Variants in NRG3 observed in about 807,000 individuals in gnomAD.
NRG3 encodes neuregulin 3.
Under a neutral mutation model 66.9 loss-of-function variants are expected in NRG3, and 31 were observed. The observed-to-expected ratio is 0.46, with a 90% CI of 0.35 to 0.63. The LOEUF (loss-of-function observed/expected upper bound fraction) is 0.63, where lower values mean the gene tolerates loss of function less well. Among genes scored for constraint, NRG3 ranks in the 20% least tolerant of loss-of-function variants. The probability of loss-of-function intolerance (pLI) is 0.00; values close to 1 mark genes in which losing one functional copy is unlikely to be tolerated. For synonymous variants in NRG3, 393 were observed against 359.4 expected (o/e 1.09, Z -1.06); for missense variants, 910 against 878.9 (o/e 1.04, Z -0.45).
At chr10:82,659,442 A>G (rs1475722185) in intron 2 of NRG3, among the ~76,000 whole-genome samples, 1 of 152,108 alleles carries the variant, frequency 6.6e-6, no homozygotes, top group African/African-American at 2.4e-5. Flanking sequence ...ATTTGAGGTC[A>G]GGAGTTCGAG....
At chr10:82,215,602 T>A (rs2075623956) in intron 1 of NRG3, among the ~76,000 whole-genome samples, 1 of 152,192 alleles carries the variant, frequency 6.6e-6, no homozygotes, top group Admixed American at 6.5e-5. Context: ...AGCCAATGTG[T>A]TCTGAATAAA....
rs1399497683 is a variant in NRG3, at chr10:82,071,253, G to A, written c.823+195090G>A. ...TTCTTGTCATACTAGAGAACCAAAT[G>A]ATTCAATGACAATGAGTAAAGCATG... is the stretch of plus-strand genomic sequence containing the variant. On this transcript the variant is annotated intron_variant, in intron 1 of 8. Transcript: ENST00000372141. Among the ~76,000 whole-genome samples the A allele has an allele frequency of 2.0e-5, 3 of 152,182 alleles. No homozygotes were observed. The East Asian group carries it at 5.8e-4, about 29-fold the overall frequency.
chr10:82,728,611 G>A (rs1469026790), intron 2 of NRG3, among the ~76,000 whole-genome samples: 1 of 152,074 alleles, frequency 6.6e-6, no homozygotes, highest in African/African-American at 2.4e-5. Flanking sequence ...TTATCAGCAG[G>A]GTGAAAACAG....
intron 1 of NRG3, among the ~76,000 whole-genome samples, chr10:81,881,033 T>G (rs1269864685): frequency 6.6e-6 from 1 of 152,182 alleles, no homozygotes; most frequent in Non-Finnish European, 1.5e-5. Flanking sequence ...TTCCTCTTCA[T>G]GCAATTATAA....
intron 2 of NRG3, among the ~76,000 whole-genome samples, chr10:82,496,403 C>G (rs973104065): frequency 8.5e-5 from 13 of 152,132 alleles, no homozygotes; most frequent in African/African-American, 3.1e-4. Flanking sequence ...GTCAGCTTTT[C>G]TTTATGTACA....
chr10:82,643,214 G>A (rs116173237), intron 2 of NRG3, among the ~76,000 whole-genome samples: 121 of 152,196 alleles, frequency 8.0e-4, no homozygotes, highest in African/African-American at 2.8e-3. Context: ...GGGACCCAGT[G>A]AAAGATAATT....
Position 81,875,354 on chromosome 10 carries a change from C to A in NRG3, c.14C>A (p.Ala5Glu). The A allele has an allele frequency of 1.0e-6, 1 of 989,212 alleles. No individual in the cohort carries two copies. 61.3% of individuals were successfully genotyped at this position (989,212 alleles called of 1,614,324 possible). MSEG[A>E]AAASPPGAAS... ...CCGGCTCCTAGGATGAGTGAAGGGGCGGCCGCTGCCTCGCCACCTGGTGCC... is the reference window on the plus strand; with the variant it reads ...CCGGCTCCTAGGATGAGTGAAGGGGAGGCCGCTGCCTCGCCACCTGGTGCC... The change falls in exon 1 of 9, where the codon GCG (alanine) becomes GAG (glutamate). Residue 5 changes from alanine (A) to glutamate (E), a missense_variant. Coordinates refer to ENST00000372141, the MANE Select transcript of NRG3 (RefSeq NM_001010848.4). The surrounding 1 kb of genome is among the most constrained non-coding windows in gnomAD (Gnocchi z 5.3).
chr10:82,124,545 TC>T (rs2068301660), intron 1 of NRG3, among the ~76,000 whole-genome samples: 1 of 151,652 alleles, frequency 6.6e-6, no homozygotes, highest in African/African-American at 2.4e-5. Flanking sequence ...GAGGGGAACG[TC>T]ACACAACGGG....
At chr10:81,943,943 C>T (rs1396017545) in intron 1 of NRG3, among the ~76,000 whole-genome samples, 2 of 152,060 alleles carry the variant, frequency 1.3e-5, no homozygotes. Context: ...GTAGTCTCCA[C>T]AGTTTTGGGG....
intron 1 of NRG3, among the ~76,000 whole-genome samples, chr10:82,117,381 A>C (rs2067794493): frequency 6.6e-6 from 1 of 152,164 alleles, no homozygotes; most frequent in South Asian, 2.1e-4. Flanking sequence ...TGTGGGACAA[A>C]GAAGATACTC....
intron 1 of NRG3, among the ~76,000 whole-genome samples, chr10:82,149,707 GT>G (rs11345621): frequency 0.17 from 24,295 of 141,462 alleles, 3,300 homozygotes; most frequent in African/African-American, 0.37. Flanking sequence ...AGAAAGCTCT[GT>G]TTTTTTTTTT....
At chr10:82,142,747 C>CCT (rs35695687) in intron 1 of NRG3, among the ~76,000 whole-genome samples, 15,038 of 143,084 alleles carry the variant, frequency 0.11, 1,164 homozygotes, top group African/African-American at 0.2. Context: ...ATGTGAGAGT[C>CCT]CTCTCTCTCT....
intron 1 of NRG3, among the ~76,000 whole-genome samples, chr10:81,996,172 A>G (rs1396989978): frequency 3.3e-5 from 5 of 152,198 alleles, no homozygotes; most frequent in Non-Finnish European, 7.4e-5. Context: ...AATGCATCTC[A>G]TGGCCATTAG....
At chr10:82,770,350 A>G (rs1474057541) in intron 3 of NRG3, among the ~76,000 whole-genome samples, 1 of 152,166 alleles carries the variant, frequency 6.6e-6, no homozygotes, top group Non-Finnish European at 1.5e-5. Flanking sequence ...ACAAGACACT[A>G]TTCCTGGTGA....
chr10:82,082,097 T>C (rs2065428977), intron 1 of NRG3, among the ~76,000 whole-genome samples: 1 of 152,244 alleles, frequency 6.6e-6, no homozygotes, highest in African/African-American at 2.4e-5. Context: ...TGTTTCATTT[T>C]AACCTAAGGT....
chr10:82,430,173 G>T (rs2089703577), intron 2 of NRG3, among the ~76,000 whole-genome samples: 1 of 152,048 alleles, frequency 6.6e-6, no homozygotes, highest in Non-Finnish European at 1.5e-5. Flanking sequence ...CCATCATCTA[G>T]TCCTTCTCAG....
chr10:82,469,152 G>A (rs951075970), intron 2 of NRG3, among the ~76,000 whole-genome samples: 2 of 152,098 alleles, frequency 1.3e-5, no homozygotes, highest in East Asian at 3.9e-4. Flanking sequence ...TTCGAAAATG[G>A]TTCTTAAGTG....
At chr10:81,899,111 A>C (rs1403888584) in intron 1 of NRG3, among the ~76,000 whole-genome samples, 2 of 152,202 alleles carry the variant, frequency 1.3e-5, no homozygotes, top group African/African-American at 4.8e-5. Context: ...ATAAGGTCTT[A>C]ATTTTAGATG....
In NRG3 at chr10:82,026,350, T is replaced by C. The variant is rs548110189; in HGVS notation, c.823+150187T>C. 1.4e-4 allele frequency among the ~76,000 whole-genome samples: 21 copies of C among 152,212 alleles called. 1 individual carries two copies. The South Asian group carries it at 4.1e-3, about 30-fold the overall frequency. Reference sequence around the variant, plus strand: ...TAAATTGGTTGTGAAAATATTGTTATGGACACTGTTTTGTATAACACTGAC... The same window carrying C: ...TAAATTGGTTGTGAAAATATTGTTACGGACACTGTTTTGTATAACACTGAC... On this transcript the variant is annotated intron_variant, in intron 1 of 8. Coordinates refer to ENST00000372141, the MANE Select transcript of NRG3 (RefSeq NM_001010848.4).
Sources: gnomAD v4.1 joint callset for allele counts (sites outside exome capture counted in the v4.1 genomes callset) on GRCh38, gnomAD v4.1.1 for gene constraint, Gnocchi (gnomAD v3.1) non-coding constraint, MANE v1.5 for transcripts, NCBI Gene and HGNC (gene_info 2026-07-23, HGNC 2026-07-21) for gene names.